The following STOX2 variants were observed in gnomAD, a reference collection of about 807,000 sequenced individuals.
The protein encoded by STOX2 is storkhead-box protein 2.
In STOX2, 28 loss-of-function variants were observed where a neutral mutation model predicts 60.9. The ratio of observed to expected loss-of-function variants is 0.46; its 90% confidence interval spans 0.34 to 0.63. The LOEUF (loss-of-function observed/expected upper bound fraction) is 0.63. Among genes scored for constraint, STOX2 ranks in the 30% least tolerant of loss-of-function variants. The pLI, the probability that STOX2 is intolerant of heterozygous loss-of-function variation, is 0.01. For synonymous variants in STOX2, 472 were observed against 463.9 expected, an observed-to-expected ratio of 1.02 and a Z score of -0.22; for missense variants, 1,024 against 1,187.7, an observed-to-expected ratio of 0.86 and a Z score of 2.03.
rs770140284 is a variant in STOX2 at position 184,009,831 on chromosome 4, C to T, written c.993C>T (p.Thr331=). The T allele has an allele frequency of 6.8e-6, 11 of 1,611,544 alleles. 1 individual carries two copies. In the South Asian group the frequency reaches 8.8e-5, roughly 13 times the overall value. Residue 331 remains threonine (T), a synonymous_variant, in exon 3 of 4, where the codon ACC becomes ACT. Coordinates refer to ENST00000308497, the MANE Select transcript of STOX2 (RefSeq NM_020225.3). This position sits in a 1 kb window ranked among gnomAD's most constrained non-coding sequence, Gnocchi z 4.0. ...DLTVENVMRH[T]ALMKKLEEEK... ...CCGTGGAAAATGTCATGCGGCACAC[C>T]GCGCTCATGAAGAAACTGGAAGAAG...
intron 1 of STOX2, among the ~76,000 whole-genome samples, chr4:183,877,004 C>G (rs1217257166): frequency 6.6e-6 from 1 of 152,098 alleles, no homozygotes; most frequent in East Asian, 1.9e-4. Flanking sequence ...ATAGGGCCAC[C>G]ACTCGGCTTC....
chr4:183,811,757 T>A (rs369409879), intron 1 of STOX2, among the ~76,000 whole-genome samples: 8 of 152,342 alleles, frequency 5.3e-5, no homozygotes, highest in African/African-American at 1.9e-4. Context: ...TTTTTTCCTC[T>A]CCTCTCTTTC....
chr4:183,975,009 T>G (rs1327842407), intron 1 of STOX2, among the ~76,000 whole-genome samples: 1 of 152,152 alleles, frequency 6.6e-6, no homozygotes, highest in Non-Finnish European at 1.5e-5. Context: ...CTTACCATAA[T>G]GAGATTTAAC....
intron 1 of STOX2, among the ~76,000 whole-genome samples, chr4:183,834,392 C>T (rs56250528): frequency 0.086 from 13,129 of 152,064 alleles, 1,844 homozygotes; most frequent in African/African-American, 0.3. Flanking sequence ...CAGAGCAGCC[C>T]GGATCTGCTG....
chr4:183,997,840 T>G (rs2111218807), intron 1 of STOX2, among the ~76,000 whole-genome samples: 1 of 152,352 alleles, frequency 6.6e-6, no homozygotes, highest in East Asian at 1.9e-4. Flanking sequence ...TATTCATTAT[T>G]ATAGTGAAAC....
Position 184,001,599 on chromosome 4 carries a change from C to G in STOX2, c.319+122C>G. 1 of 899,824 alleles carries G rather than the reference C, an allele frequency of 1.1e-6. No homozygotes were observed. The highest frequency in any genetic ancestry group is 1.6e-6 in the Non-Finnish European group (1 of 643,086). The allele number at this position is 899,824 out of a possible 1,614,324, so 55.7% of individuals were successfully genotyped here. On this transcript the variant is annotated intron_variant, in intron 2 of 3. Transcript: ENST00000308497. This position sits in a 1 kb window ranked among gnomAD's most constrained non-coding sequence, Gnocchi z 4.2. The stretch of plus-strand genomic sequence containing the variant: ...GAAAACATTCTTCCCCAAAACTGAC[C>G]CGAAGCTTTCCTTACTTCTGTAATT...
In STOX2 at chr4:184,020,549, A is replaced by G. The variant is rs1734543315; in HGVS notation, c.*3265A>G. 1 of 152,290 alleles carries G rather than the reference A, an allele frequency of 6.6e-6. No homozygotes were observed. Among genetic ancestry groups the G allele is most frequent in the East Asian group, 1.9e-4 (1 of 5,192 alleles). The allele number at this position is 152,290 out of a possible 1,614,324, so 9.4% of individuals were successfully genotyped here. A position where few individuals can be genotyped will look rare whatever the true frequency, so the allele number is the denominator to read the frequency against. ...CACTTCGGGCTCTGCCTTCACTCGC[A>G]TGCTACCATGTCGAGCCCAAACTCC... On this transcript the variant is annotated 3_prime_UTR_variant, in exon 4 of 4. Transcript: ENST00000308497.
chr4:183,911,158 C>T (rs956559302), intron 1 of STOX2, among the ~76,000 whole-genome samples: 1 of 8,102 alleles, frequency 1.2e-4, no homozygotes, highest in African/African-American at 1.3e-4. Context: ...AATTGTTAGA[C>T]AAAACTTCTC....
intron 1 of STOX2, among the ~76,000 whole-genome samples, chr4:183,817,373 T>G (rs1739177285): frequency 6.6e-6 from 1 of 152,102 alleles, no homozygotes; most frequent in African/African-American, 2.4e-5. Context: ...GGCTGCAGGG[T>G]CCGTCCTTTG....
intron 1 of STOX2, among the ~76,000 whole-genome samples, chr4:183,861,039 C>T (rs937187268): frequency 6.6e-6 from 1 of 152,156 alleles, no homozygotes; most frequent in Non-Finnish European, 1.5e-5. Flanking sequence ...GTTGTTGTTA[C>T]GGTACACTAA....
intron 1 of STOX2, among the ~76,000 whole-genome samples, chr4:183,917,113 C>A (rs1010276710): frequency 6.6e-6 from 1 of 152,214 alleles, no homozygotes; most frequent in African/African-American, 2.4e-5. Flanking sequence ...GTAGCAGGTA[C>A]ACAGCAGTTT....
At position 184,011,362 on chromosome 4, in the gene STOX2, G is replaced by A. The variant is rs1167673586; in HGVS notation, c.2524G>A (p.Ala842Thr). Reference sequence around the variant, plus strand: ...CAGCAACCAGAGAGCCACCCATTCAGCCCGGCTCGACAGCATGGACAGCAG... The same window carrying A: ...CAGCAACCAGAGAGCCACCCATTCAACCCGGCTCGACAGCATGGACAGCAG... ...SSSNQRATHS[A>T]RLDSMDSSSI... The change falls in exon 3 of 4, where the codon GCC (alanine) becomes ACC (threonine). Residue 842 changes from alanine to threonine, a missense_variant. Coordinates refer to ENST00000308497, the MANE Select transcript of STOX2 (RefSeq NM_020225.3). The surrounding 1 kb of genome is among the most constrained non-coding windows in gnomAD (Gnocchi z 4.4). 9 of 1,613,824 alleles carry A rather than the reference G, an allele frequency of 5.6e-6. No homozygotes were observed. Among genetic ancestry groups the A allele is most frequent in the Non-Finnish European group, 6.8e-6 (8 of 1,179,878 alleles).
intron 1 of STOX2, among the ~76,000 whole-genome samples, chr4:183,842,541 G>T (rs1202957617): frequency 6.6e-6 from 1 of 152,114 alleles, no homozygotes; most frequent in Non-Finnish European, 1.5e-5. Flanking sequence ...GAATCAAATT[G>T]CTCTGTAATT....
chr4:183,987,413 C>A (rs1284647145), intron 1 of STOX2, among the ~76,000 whole-genome samples: 1 of 152,116 alleles, frequency 6.6e-6, no homozygotes, highest in Non-Finnish European at 1.5e-5. Flanking sequence ...CTGGGGTTCA[C>A]AATGAGCGTG....
In STOX2 at chr4:184,017,345, CTGA is replaced by C; in HGVS notation, c.*64_*66del. On this transcript the variant is annotated 3_prime_UTR_variant, in exon 4 of 4. Coordinates refer to ENST00000308497, the MANE Select transcript of STOX2 (RefSeq NM_020225.3). Reference sequence around the variant, plus strand: ...TACAGCAAAGTTTACGACACTGGGACTGATGTTTACATCTTTGGAAAGACAAGC... The same window carrying C: ...TACAGCAAAGTTTACGACACTGGGACTGTTTACATCTTTGGAAAGACAAGC... The C allele has an allele frequency of 7.2e-7, 1 of 1,395,180 alleles. No individual in the cohort carries two copies. The allele number at this position is 1,395,180 out of a possible 1,614,324, so 86.4% of individuals were successfully genotyped here.
intron 1 of STOX2, among the ~76,000 whole-genome samples, chr4:183,937,133 GA>G (rs899348553): frequency 6.6e-6 from 1 of 152,220 alleles, no homozygotes; most frequent in African/African-American, 2.4e-5. Flanking sequence ...ACTCTTTGGT[GA>G]GGTACATTCA....
intron 1 of STOX2, among the ~76,000 whole-genome samples, chr4:183,943,595 A>G (rs1742806967): frequency 6.6e-6 from 1 of 152,248 alleles, no homozygotes; most frequent in Non-Finnish European, 1.5e-5. Flanking sequence ...AAGAAATAGA[A>G]GTGCAGAATC....
chr4:184,004,402 A>G (rs1733732056), intron 2 of STOX2, among the ~76,000 whole-genome samples: 1 of 152,092 alleles, frequency 6.6e-6, no homozygotes, highest in Non-Finnish European at 1.5e-5. Context: ...GATCGAGACC[A>G]TCCTGGTTAA....
intron 1 of STOX2, among the ~76,000 whole-genome samples, chr4:183,815,184 A>G (rs182377765): frequency 4.0e-5 from 6 of 151,446 alleles, no homozygotes; most frequent in Admixed American, 2.6e-4. Flanking sequence ...TTTAATAGAG[A>G]AGGAGTCTTG....
Sources: gnomAD v4.1 joint callset for allele counts (sites outside exome capture counted in the v4.1 genomes callset) on GRCh38, gnomAD v4.1.1 for gene constraint, Gnocchi (gnomAD v3.1) non-coding constraint, MANE v1.5 for transcripts, NCBI Gene and HGNC (gene_info 2026-07-23, HGNC 2026-07-21) for gene names.